SPA17: variants seen among roughly 807,000 people sequenced by gnomAD.
SPA17 encodes sperm autoantigenic protein 17.
In SPA17, 7 loss-of-function variants were observed where a neutral mutation model predicts 13.8. The ratio of observed to expected loss-of-function variants is 0.51; its 90% confidence interval spans 0.29 to 0.95. The LOEUF is 0.95. Ranked by LOEUF, SPA17 falls within the 40% of genes least tolerant of loss-of-function variation. The probability of loss-of-function intolerance (pLI) is 0.08; values close to 1 mark genes in which losing one functional copy is unlikely to be tolerated. For synonymous variants in SPA17, 61 were observed against 59.0 expected, an observed-to-expected ratio of 1.03 and a Z score of -0.16; for missense variants, 170 against 179.3, an observed-to-expected ratio of 0.95 and a Z score of 0.30.
chr11:124,692,394 C>G (rs1406327586), intron 4 of SPA17, among the ~76,000 whole-genome samples: 1 of 152,062 alleles, frequency 6.6e-6, no homozygotes, highest in African/African-American at 2.4e-5. Flanking sequence ...TCCTGGCTAA[C>G]ACGGTGAAAC....
chr11:124,675,830 T>G (rs1943456208), intron 2 of SPA17: 1 of 157,344 alleles, frequency 6.4e-6, no homozygotes, highest in Admixed American at 6.3e-5. Context: ...CTTTCAATTT[T>G]GATTCCTTCC....
At chr11:124,675,012 G>C (rs773943677) in intron 1 of SPA17, 8 of 300,690 alleles carry the variant, frequency 2.7e-5, no homozygotes, top group Non-Finnish European at 4.8e-5. Context: ...TTTTTTGCAG[G>C]ATTTTAAATG....
chr11:124,681,364 A>T, intron 2 of SPA17, 25 bp from the exon 3 acceptor site: 1 of 1,532,600 alleles, frequency 6.5e-7, no homozygotes, highest in Non-Finnish European at 8.9e-7. Context: ...AATAAATCTG[A>T]AGTTCTTATA....
Position 124,696,720 on chromosome 11 carries a change from C to G in SPA17, c.*2274C>G, listed in dbSNP as rs1399325269. The stretch of plus-strand genomic sequence containing the variant: ...GCCCTTAGGCTCAGTCTTTCGACCC[C>G]ATTTCTACACTCACTTGATTTCCTG... On this transcript the variant is annotated 3_prime_UTR_variant, in exon 5 of 5. Coordinates refer to ENST00000227135, the MANE Select transcript of SPA17 (RefSeq NM_017425.4). 2.0e-5 allele frequency: 3 copies of G among 152,096 alleles called. No homozygotes were observed. The highest frequency in any genetic ancestry group is 7.2e-5 in the African/African-American group (3 of 41,394). The allele number at this position is 152,096 out of a possible 1,614,324, so 9.4% of individuals were successfully genotyped here.
intron 4 of SPA17, among the ~76,000 whole-genome samples, chr11:124,692,516 G>C (rs1226130830): frequency 2.0e-5 from 3 of 152,014 alleles, no homozygotes. Flanking sequence ...GGAGGCGGAG[G>C]TTGCAGTGAG....
intron 2 of SPA17, among the ~76,000 whole-genome samples, chr11:124,678,050 G>A (rs1032458552): frequency 9.9e-5 from 15 of 152,130 alleles, no homozygotes; most frequent in African/African-American, 3.6e-4. Flanking sequence ...ACTTCCAGGA[G>A]GGGAACTTAG....
At chr11:124,684,437 T>G (rs963900330) in intron 3 of SPA17, among the ~76,000 whole-genome samples, 1 of 152,088 alleles carries the variant, frequency 6.6e-6, no homozygotes, top group African/African-American at 2.4e-5. Flanking sequence ...AATTTTTGTA[T>G]TTTGTATTTT....
At chr11:124,683,175 C>G (rs1047207577) in intron 3 of SPA17, among the ~76,000 whole-genome samples, 2 of 152,168 alleles carry the variant, frequency 1.3e-5, no homozygotes, top group African/African-American at 4.8e-5. Flanking sequence ...ATTTCCCAAA[C>G]AAGCAAATGC....
chr11:124,696,696 C>T lies in SPA17; in HGVS notation c.*2250C>T, dbSNP rs1943676915. ...CTCCCCAACCACTAAATGCTAAGTG[C>T]CCTTAGGCTCAGTCTTTCGACCCCA... On this transcript the variant is annotated 3_prime_UTR_variant, in exon 5 of 5. Transcript: ENST00000227135. The T allele has an allele frequency of 6.6e-6, 1 of 152,164 alleles. No individual in the cohort carries two copies. The highest frequency in any genetic ancestry group is 2.4e-5 in the African/African-American group (1 of 41,400). 9.4% of individuals were successfully genotyped at this position (152,164 alleles called of 1,614,324 possible).
intron 3 of SPA17, among the ~76,000 whole-genome samples, chr11:124,682,175 C>T (rs774709228): frequency 1.9e-4 from 29 of 152,038 alleles, no homozygotes; most frequent in Non-Finnish European, 7.4e-5. Context: ...TAGGTACCAT[C>T]CTTGGGAGAA....
At chr11:124,675,029 C>T (rs1040188329) in intron 1 of SPA17, 31 of 344,032 alleles carry the variant, frequency 9.0e-5, no homozygotes, top group Admixed American at 1.8e-4. Flanking sequence ...AATGATTTGG[C>T]CTAGTGAATG....
Position 124,675,318 on chromosome 11 carries a change from T to C in SPA17, c.54T>C (p.Asn18=), listed in dbSNP as rs757791078. ...ACCGAATTCCACAAGGATTTGGGAA[T>C]CTTCTTGAAGGGCTGACACGCGAGA... ...THYRIPQGFG[N]LLEGLTREIL... is the part of the protein sequence containing the mutation. Residue 18 remains asparagine (N), a synonymous_variant, in exon 2 of 5, where the codon AAT becomes AAC. Transcript: ENST00000227135. 9 of 1,614,076 alleles carry C rather than the reference T, an allele frequency of 5.6e-6. No homozygotes were observed. The Admixed American group carries it at 1.2e-4, about 21-fold the overall frequency.
At chr11:124,678,992 A>G (rs555779843) in intron 2 of SPA17, among the ~76,000 whole-genome samples, 1 of 152,278 alleles carries the variant, frequency 6.6e-6, no homozygotes, top group Admixed American at 6.5e-5. Context: ...AAAGTTTAAC[A>G]TAGTTATAAT....
intron 4 of SPA17, among the ~76,000 whole-genome samples, chr11:124,692,273 C>T (rs1943629310): frequency 6.6e-6 from 1 of 152,158 alleles, no homozygotes; most frequent in South Asian, 2.1e-4. Flanking sequence ...TGATGTACTA[C>T]ATCCAAGCAG....
rs1943681662 is a variant in SPA17 at position 124,697,247 on chromosome 11, G to A, written c.*2801G>A. 6.6e-6 allele frequency: 1 copy of A among 152,142 alleles called. No individual in the cohort carries two copies. Among genetic ancestry groups the A allele is most frequent in the Non-Finnish European group, 1.5e-5 (1 of 68,044 alleles). 9.4% of individuals were successfully genotyped at this position (152,142 alleles called of 1,614,324 possible). ...TTAAGACAATTATATTTTCTCCTGGGTCTGTAGGTCAGTGGTAATGTAGCT... is the reference window on the plus strand; with the variant it reads ...TTAAGACAATTATATTTTCTCCTGGATCTGTAGGTCAGTGGTAATGTAGCT... On this transcript the variant is annotated 3_prime_UTR_variant, in exon 5 of 5. Transcript: ENST00000227135.
At chr11:124,675,529 G>A (rs1001686527) in intron 2 of SPA17, 111 bp downstream of exon 2, 2 of 1,169,248 alleles carry the variant, frequency 1.7e-6, no homozygotes, top group African/African-American at 1.6e-5. Context: ...ATGAGGCAGG[G>A]AGTTTCAGAT....
chr11:124,689,596 C>T lies in SPA17; in HGVS notation c.226-2100C>T, dbSNP rs375513199. ...AGCCCAGGAGCTTGACATTAGCATG[C>T]GCAACATGGTGAAACCCATCTCTTC... On this transcript the variant is annotated intron_variant, in intron 3 of 4. Transcript: ENST00000227135. Among the ~76,000 whole-genome samples, 34 of 151,964 alleles carry T rather than the reference C, an allele frequency of 2.2e-4. No individual in the cohort carries two copies. In the South Asian group the frequency reaches 2.3e-3, roughly 10 times the overall value.
At chr11:124,683,015 C>T (rs556185719) in intron 3 of SPA17, among the ~76,000 whole-genome samples, 41 of 152,132 alleles carry the variant, frequency 2.7e-4, no homozygotes, top group African/African-American at 7.7e-4. Context: ...GAGGGAAACC[C>T]GATCAGACTA....
intron 3 of SPA17, among the ~76,000 whole-genome samples, chr11:124,688,522 A>G (rs182679865): frequency 1.3e-5 from 2 of 152,316 alleles, no homozygotes; most frequent in Admixed American, 6.5e-5. Context: ...AGTAAACGTA[A>G]CCAAGGAGGT....
Sources: allele counts gnomAD v4.1 joint callset (sites outside exome capture counted in the v4.1 genomes callset), GRCh38; gene constraint gnomAD v4.1.1; transcripts MANE v1.5; gene names NCBI Gene and HGNC (gene_info 2026-07-23, HGNC 2026-07-21).